PBX1: variants seen among roughly 807,000 people sequenced by gnomAD.
The protein encoded by PBX1 is PBX homeobox 1, also known as pre-B-cell leukemia transcription factor 1.
Under a neutral mutation model 53.4 loss-of-function variants are expected in PBX1, and 6 were observed. That is an observed-to-expected ratio of 0.11 (90% CI 0.06 to 0.22). The LOEUF (loss-of-function observed/expected upper bound fraction) is 0.22. PBX1 is among the 10% of genes least tolerant of loss of function. PBX1 has a pLI of 1.00. For missense variants in PBX1, 251 were observed against 551.4 expected (o/e 0.46, Z 5.46); for synonymous variants, 204 against 212.3 (o/e 0.96, Z 0.34).
At chr1:164,820,315 G>A (rs1433754036) in intron 7 of PBX1, 131 bp downstream of exon 7, 13 of 587,322 alleles carry the variant, frequency 2.2e-5, no homozygotes, top group Non-Finnish European at 3.7e-5. Context: ...ACCAACGACC[G>A]AACCAAAATC....
At chr1:164,798,579 C>T (rs916933838) in intron 3 of PBX1, among the ~76,000 whole-genome samples, 1 of 152,242 alleles carries the variant, frequency 6.6e-6, no homozygotes, top group South Asian at 2.1e-4. Flanking sequence ...GGCCCTACCT[C>T]TGCCTCTTCA....
intron 2 of PBX1, among the ~76,000 whole-genome samples, chr1:164,753,204 A>AT (rs1666324312): frequency 6.6e-6 from 1 of 152,156 alleles, no homozygotes; most frequent in African/African-American, 2.4e-5. Context: ...GATTGTCTTT[A>AT]TTTTTTGTTT....
At chr1:164,724,670 ATTTTTTTTTTTTTTTTTT>A (rs59042806) in intron 2 of PBX1, among the ~76,000 whole-genome samples, 25 of 48,236 alleles carry the variant, frequency 5.2e-4, no homozygotes, top group Middle Eastern at 0.012. Context: ...ATAGCTGCAG[ATTTTTTTTTTTTTTTTTT>A]TTTTTTTTTT....
intron 2 of PBX1, among the ~76,000 whole-genome samples, chr1:164,696,564 G>T (rs967070598): frequency 6.6e-6 from 1 of 152,176 alleles, no homozygotes; most frequent in Non-Finnish European, 1.5e-5. Context: ...GTCTGTCTAT[G>T]TGTTTATCTT....
At chr1:164,684,633 C>A (rs762504202) in intron 2 of PBX1, 2 of 152,130 alleles carry the variant, frequency 1.3e-5, no homozygotes, top group Admixed American at 1.3e-4. Context: ...CATCAAGATA[C>A]ATGAAGAAGT....
chr1:164,849,489 T>TG lies in PBX1; in HGVS notation c.*2816dup. ...GCATGCCTCTGGAAACACAGCTTCC[T>TG]GGGAATTCACATGAGGCCAGTCCTA... On this transcript the variant is annotated 3_prime_UTR_variant, in exon 9 of 9. Transcript: ENST00000420696. 1 of 1,527,754 alleles carries TG rather than the reference T, an allele frequency of 6.5e-7. No individual in the cohort carries two copies. Among genetic ancestry groups the TG allele is most frequent in the East Asian group, 2.5e-5 (1 of 40,780 alleles). The allele number at this position is 1,527,754 out of a possible 1,614,324, so 94.6% of individuals were successfully genotyped here.
intron 2 of PBX1, among the ~76,000 whole-genome samples, chr1:164,662,510 C>A (rs1451466646): frequency 6.6e-6 from 1 of 152,106 alleles, no homozygotes; most frequent in Non-Finnish European, 1.5e-5. Context: ...TGCATTTCCT[C>A]AGTCAGTTGT....
At chr1:164,811,922 T>G in intron 5 of PBX1, 68 bp from the exon 6 acceptor site, 1 of 1,414,920 alleles carries the variant, frequency 7.1e-7, no homozygotes, top group Non-Finnish European at 9.6e-7. Context: ...ATAAAGCCTT[T>G]TTTTTCTTCT....
At chr1:164,748,526 A>C (rs1666023310) in intron 2 of PBX1, among the ~76,000 whole-genome samples, 1 of 152,182 alleles carries the variant, frequency 6.6e-6, no homozygotes, top group South Asian at 2.1e-4. Context: ...GTTAAATAAT[A>C]CGTCATTAAA....
chr1:164,707,414 TGTGTGA>T (rs1412052221), intron 2 of PBX1, among the ~76,000 whole-genome samples: 2 of 106,698 alleles, frequency 1.9e-5, no homozygotes, highest in Non-Finnish European at 3.7e-5. Flanking sequence ...TGTGTGTGTG[TGTGTGA>T]GAGAGAGAGA....
rs1671690394 is a variant in PBX1, at chr1:164,848,770, A to G, written c.*2094A>G. 9.4e-7 allele frequency: 1 copy of G among 1,060,752 alleles called. No homozygotes were observed. Among genetic ancestry groups the G allele is most frequent in the African/African-American group, 1.6e-5 (1 of 60,838 alleles). 65.7% of individuals were successfully genotyped at this position (1,060,752 alleles called of 1,614,324 possible). A position where few individuals can be genotyped will look rare whatever the true frequency, so the allele number is the denominator to read the frequency against. On this transcript the variant is annotated 3_prime_UTR_variant, in exon 9 of 9. Transcript: ENST00000420696. The stretch of plus-strand genomic sequence containing the variant: ...AAGTATGAGACCCTGAGGGGTGAGA[A>G]TGGGCAGCTAGCAAGAACATGGAAA...
downstream of PBX1, among the ~76,000 whole-genome samples, chr1:164,853,808 G>A (rs540883937): frequency 3.9e-5 from 6 of 152,126 alleles, no homozygotes; most frequent in South Asian, 6.2e-4. Flanking sequence ...GTAAAGTGTA[G>A]GTCTAACCCC....
intron 2 of PBX1, among the ~76,000 whole-genome samples, chr1:164,732,856 C>G (rs997161228): frequency 3.3e-5 from 5 of 152,122 alleles, no homozygotes; most frequent in African/African-American, 1.2e-4. Flanking sequence ...TACAGTCTTT[C>G]TCTTTTTTAT....
At chr1:164,662,098 G>C (rs1366705383) in intron 2 of PBX1, among the ~76,000 whole-genome samples, 1 of 152,094 alleles carries the variant, frequency 6.6e-6, no homozygotes, top group Non-Finnish European at 1.5e-5. Context: ...GGCCTAGGTG[G>C]GCAGGTCACC....
rs370350186 is a variant in PBX1 at position 164,618,304 on chromosome 1, G to A, written c.265+54993G>A. On this transcript the variant is annotated intron_variant, in intron 2 of 8. Coordinates refer to ENST00000420696, the MANE Select transcript of PBX1 (RefSeq NM_002585.4). ...CAGGGAGAATAATCACGGCGGGGGG[G>A]GGGGGGCACTCAAGATGATCAGCAC... Among the ~76,000 whole-genome samples, 45 of 150,952 alleles carry A rather than the reference G, an allele frequency of 3.0e-4. No homozygotes were observed. The South Asian group carries it at 4.5e-3, about 15-fold the overall frequency.
At chr1:164,626,002 G>C in intron 2 of PBX1, 1 of 1,041,092 alleles carries the variant, frequency 9.6e-7, no homozygotes. Context: ...GTTCTGTTCG[G>C]CACAGAGTAC....
At chr1:164,733,900 C>T (rs1206607386) in intron 2 of PBX1, among the ~76,000 whole-genome samples, 1 of 152,102 alleles carries the variant, frequency 6.6e-6, no homozygotes, top group Non-Finnish European at 1.5e-5. Context: ...GTTTTTTAAA[C>T]AGACCCTTTT....
chr1:164,758,839 T>G (rs899959930), intron 2 of PBX1, among the ~76,000 whole-genome samples: 2 of 152,184 alleles, frequency 1.3e-5, no homozygotes, highest in Non-Finnish European at 2.9e-5. Context: ...TAGCATCGTG[T>G]CTGGCACATA....
chr1:164,598,093 G>A (rs1268486811), intron 2 of PBX1, among the ~76,000 whole-genome samples: 3 of 152,194 alleles, frequency 2.0e-5, no homozygotes, highest in Non-Finnish European at 4.4e-5. Flanking sequence ...GAGCAAGAGA[G>A]CCAGACTGCT....
Sources: allele counts gnomAD v4.1 joint callset (sites outside exome capture counted in the v4.1 genomes callset), GRCh38; gene constraint gnomAD v4.1.1; transcripts MANE v1.5; gene names NCBI Gene and HGNC (gene_info 2026-07-23, HGNC 2026-07-21).